Variants in CTNNA2 observed in about 807,000 individuals in gnomAD.
The protein encoded by CTNNA2 is catenin alpha 2, also known as catenin alpha-2.
Under a neutral mutation model 101.0 loss-of-function variants are expected in CTNNA2, and 42 were observed. That is an observed-to-expected ratio of 0.42 (90% CI 0.32 to 0.54). CTNNA2 has a LOEUF of 0.54. Ranked by LOEUF, CTNNA2 falls within the 20% of genes least tolerant of loss-of-function variation. The probability of loss-of-function intolerance (pLI) is 0.14; values close to 1 mark genes in which losing one functional copy is unlikely to be tolerated. For synonymous variants in CTNNA2, 450 were observed against 456.4 expected (o/e 0.99, Z 0.18); for missense variants, 871 against 1,223.1 (o/e 0.71, Z 4.29).
At chr2:80,482,749 AT>A (rs1321459580) in intron 9 of CTNNA2, among the ~76,000 whole-genome samples, 1 of 152,070 alleles carries the variant, frequency 6.6e-6, no homozygotes, top group Non-Finnish European at 1.5e-5. Flanking sequence ...AAATCAGGAG[AT>A]TTTTTACATA....
intron 2 of CTNNA2, among the ~76,000 whole-genome samples, chr2:79,661,082 A>G (rs961302854): frequency 1.3e-5 from 2 of 152,212 alleles, no homozygotes; most frequent in Admixed American, 1.3e-4. Context: ...TGGTGAACAC[A>G]CACCACCCTG....
At chr2:79,951,880 C>T (rs937926991) in intron 7 of CTNNA2, among the ~76,000 whole-genome samples, 2 of 152,098 alleles carry the variant, frequency 1.3e-5, no homozygotes, top group African/African-American at 4.8e-5. Context: ...TCCTACAGTC[C>T]TACAGCTTCT....
At chr2:79,328,343 G>A (rs1573082739) in intron 3 of CTNNA2, among the ~76,000 whole-genome samples, 1 of 152,146 alleles carries the variant, frequency 6.6e-6, no homozygotes, top group East Asian at 1.9e-4. Context: ...GCATAAGAAG[G>A]AGTTTGTAAG....
intron 1 of CTNNA2, among the ~76,000 whole-genome samples, chr2:79,522,313 TTACAAATGCTTTCC>T (rs1444267574): frequency 6.6e-6 from 1 of 152,196 alleles, no homozygotes; most frequent in Non-Finnish European, 1.5e-5. Context: ...TAACAGCCAT[TTACAAATGCTTTCC>T]TACAAGTTAT....
intron 7 of CTNNA2, among the ~76,000 whole-genome samples, chr2:80,297,927 A>G (rs987378765): frequency 4.6e-5 from 7 of 152,112 alleles, no homozygotes; most frequent in Non-Finnish European, 7.3e-5. Flanking sequence ...TAGGATGATT[A>G]GTGCTAGAAG....
chr2:80,497,814 G>T (rs761716695), intron 9 of CTNNA2, among the ~76,000 whole-genome samples: 3 of 152,152 alleles, frequency 2.0e-5, no homozygotes, highest in Non-Finnish European at 4.4e-5. Flanking sequence ...TTGATGGACT[G>T]CCAGCAAGAA....
chr2:79,827,113 G>C (rs936401243), intron 3 of CTNNA2, among the ~76,000 whole-genome samples: 3 of 151,846 alleles, frequency 2.0e-5, no homozygotes, highest in African/African-American at 7.3e-5. Context: ...ATCTCGGCTC[G>C]CTGCAACCTC....
intron 1 of CTNNA2, among the ~76,000 whole-genome samples, chr2:79,600,712 G>C (rs75078940): frequency 3.4e-4 from 51 of 152,044 alleles, no homozygotes; most frequent in Non-Finnish European, 6.2e-4. Flanking sequence ...CCATAGACTG[G>C]GAAGCTTAAA....
intron 3 of CTNNA2, among the ~76,000 whole-genome samples, chr2:79,802,240 G>A (rs1676223107): frequency 6.6e-6 from 1 of 151,948 alleles, no homozygotes; most frequent in Non-Finnish European, 1.5e-5. Context: ...AACAATAGAG[G>A]GATCACAGAA....
chr2:79,752,002 T>A (rs1672078398), intron 3 of CTNNA2, among the ~76,000 whole-genome samples: 1 of 152,182 alleles, frequency 6.6e-6, no homozygotes, highest in Non-Finnish European at 1.5e-5. Flanking sequence ...CAAAATTTGT[T>A]CTACATTTTT....
intron 8 of CTNNA2, among the ~76,000 whole-genome samples, chr2:80,397,943 T>C (rs1214246518): frequency 6.6e-6 from 1 of 152,186 alleles, no homozygotes; most frequent in Non-Finnish European, 1.5e-5. Context: ...CATAAATACG[T>C]AGAAGTGCTT....
chr2:80,225,830 C>T (rs558304875), intron 7 of CTNNA2, among the ~76,000 whole-genome samples: 1 of 152,090 alleles, frequency 6.6e-6, no homozygotes, highest in African/African-American at 2.4e-5. Context: ...CAAGCTAATA[C>T]AGAAATCAAT....
At chr2:79,376,740 G>T (rs987074474) in intron 4 of CTNNA2, among the ~76,000 whole-genome samples, 6 of 152,044 alleles carry the variant, frequency 3.9e-5, no homozygotes, top group Non-Finnish European at 8.8e-5. Context: ...GCGGTGTTTG[G>T]TTTTTTGTCC....
intron 6 of CTNNA2, among the ~76,000 whole-genome samples, chr2:79,902,497 C>T (rs542045396): frequency 2.0e-5 from 3 of 152,288 alleles, no homozygotes; most frequent in Admixed American, 2.0e-4. Flanking sequence ...CATACCACTA[C>T]CCGATGTTCA....
At chr2:80,076,693 T>C (rs555854512) in intron 7 of CTNNA2, among the ~76,000 whole-genome samples, 3 of 152,190 alleles carry the variant, frequency 2.0e-5, no homozygotes, top group African/African-American at 7.2e-5. Flanking sequence ...TCTTGCTAAA[T>C]AATTTTATAA....
intron 7 of CTNNA2, among the ~76,000 whole-genome samples, chr2:80,204,599 G>T (rs1254173340): frequency 6.6e-6 from 1 of 151,966 alleles, no homozygotes; most frequent in African/African-American, 2.4e-5. Flanking sequence ...AGCATTTTTT[G>T]TCAAAGACAT....
intron 2 of CTNNA2, among the ~76,000 whole-genome samples, chr2:79,250,605 C>G (rs1393645337): frequency 3.9e-5 from 6 of 152,196 alleles, no homozygotes; most frequent in Admixed American, 2.6e-4. Context: ...GGCCCTATCT[C>G]AAAGCCCTGT....
At chr2:79,340,985 A>G (rs544332520) in intron 3 of CTNNA2, among the ~76,000 whole-genome samples, 1 of 152,056 alleles carries the variant, frequency 6.6e-6, no homozygotes, top group East Asian at 1.9e-4. Context: ...GATAAATATT[A>G]TAAAATGGCT....
chr2:80,397,778 G>A (rs1315814923), intron 8 of CTNNA2, among the ~76,000 whole-genome samples: 1 of 152,174 alleles, frequency 6.6e-6, no homozygotes, highest in Non-Finnish European at 1.5e-5. Context: ...ATAGGGTGTG[G>A]ACGTATGGAA....
Sources: allele counts gnomAD v4.1 joint callset (sites outside exome capture counted in the v4.1 genomes callset), GRCh38; gene constraint gnomAD v4.1.1; transcripts MANE v1.5; gene names NCBI Gene and HGNC (gene_info 2026-07-23, HGNC 2026-07-21).